The following FKBP5 variants were observed in gnomAD, a reference collection of about 807,000 sequenced individuals.
The protein encoded by FKBP5 is peptidyl-prolyl cis-trans isomerase FKBP5.
Under a neutral mutation model 50.5 loss-of-function variants are expected in FKBP5, and 23 were observed. The ratio of observed to expected loss-of-function variants is 0.46; its 90% CI spans 0.33 to 0.65. The LOEUF is 0.65. Ranked by LOEUF, FKBP5 falls within the 30% of genes least tolerant of loss-of-function variation. The pLI is 0.02. For missense variants in FKBP5, 411 were observed against 553.1 expected (o/e 0.74, Z 2.58); for synonymous variants, 176 against 190.6 (o/e 0.92, Z 0.63).
At chr6:35,662,780 G>T (rs1295368338) in intron 1 of FKBP5, among the ~76,000 whole-genome samples, 6 of 152,082 alleles carry the variant, frequency 3.9e-5, no homozygotes, top group Admixed American at 2.0e-4. Context: ...TTGTTTGAAA[G>T]CCAATAGTTT....
In FKBP5 at chr6:35,575,458, T is replaced by C. The variant is rs995269732; in HGVS notation, c.*377A>G. 2 of 176,180 alleles carry C rather than the reference T, an allele frequency of 1.1e-5. No individual in the cohort carries two copies. Among genetic ancestry groups the C allele is most frequent in the Non-Finnish European group, 2.4e-5 (2 of 82,086 alleles). 10.9% of individuals were successfully genotyped at this position (176,180 alleles called of 1,614,324 possible). On this transcript the variant is annotated 3_prime_UTR_variant, in exon 11 of 11. Transcript: ENST00000357266. ...TCATGAAGCATTTTTTTTTTAAAGGTTTCTGCAGTGCTATGAAAGTTCAAA... is the reference window on the plus strand; with the variant it reads ...TCATGAAGCATTTTTTTTTTAAAGGCTTCTGCAGTGCTATGAAAGTTCAAA...
intron 5 of FKBP5, among the ~76,000 whole-genome samples, chr6:35,611,633 T>C (rs1763497611): frequency 6.6e-6 from 1 of 152,186 alleles, no homozygotes; most frequent in Admixed American, 6.5e-5. Flanking sequence ...GAAGTATCAG[T>C]CATCATAATC....
intron 8 of FKBP5, chr6:35,585,524 CTA>C: frequency 1.0e-6 from 1 of 984,826 alleles, no homozygotes; most frequent in Non-Finnish European, 1.2e-6. Context: ...CCTTAAATGA[CTA>C]AATCATTTGA....
chr6:35,699,144 G>A (rs1766134635), intron 2 of FKBP5, among the ~76,000 whole-genome samples: 1 of 152,204 alleles, frequency 6.6e-6, no homozygotes, highest in South Asian at 2.1e-4. Flanking sequence ...CACACGGAAG[G>A]CAAGTAAGAC....
At chr6:35,609,292 C>T (rs1213432430) in intron 5 of FKBP5, among the ~76,000 whole-genome samples, 1 of 151,978 alleles carries the variant, frequency 6.6e-6, no homozygotes, top group African/African-American at 2.4e-5. Context: ...CTGCAAATTC[C>T]AAAAAGTTAA....
intron 1 of FKBP5, among the ~76,000 whole-genome samples, chr6:35,666,392 G>GT (rs1415901283): frequency 7.9e-4 from 11 of 13,970 alleles, no homozygotes; most frequent in Admixed American, 2.2e-3. Flanking sequence ...TACTATTATA[G>GT]TTAAAAAAAA....
At chr6:35,608,668 C>A (rs1273042468) in intron 5 of FKBP5, among the ~76,000 whole-genome samples, 3 of 152,140 alleles carry the variant, frequency 2.0e-5, no homozygotes, top group Non-Finnish European at 4.4e-5. Context: ...GCCTGGGCAA[C>A]AGAGCAAGAC....
intron 3 of FKBP5, among the ~76,000 whole-genome samples, chr6:35,621,574 T>C (rs1307064480): frequency 2.7e-5 from 4 of 146,614 alleles, no homozygotes; most frequent in East Asian, 4.0e-4. Flanking sequence ...GTAGAGATCA[T>C]GCCACTGCAC....
chr6:35,619,200 AG>A lies in FKBP5; in HGVS notation c.403del (p.Asp136IlefsTer33). ...AAATAAATCCTCTCCTTTGAAATCA[AG>A]GAGCTCAATCTAGAAAGAAAAAAGG... ...NATLFFEIEL[L>X]DFKGEDLFED... is the part of the protein sequence containing the mutation. On this transcript the variant is annotated frameshift_variant, in exon 5 of 11. Transcript: ENST00000357266. LOFTEE classifies it high-confidence loss of function. 6.2e-7 allele frequency: 1 copy of A among 1,611,738 alleles called. No individual in the cohort carries two copies. The highest frequency in any genetic ancestry group is 8.5e-7 in the Non-Finnish European group (1 of 1,177,942).
intron 5 of FKBP5, among the ~76,000 whole-genome samples, chr6:35,607,436 T>G (rs559777638): frequency 2.0e-5 from 3 of 151,696 alleles, no homozygotes; most frequent in Non-Finnish European, 4.4e-5. Context: ...ACTCCTGGGC[T>G]CAAGTGACCA....
In FKBP5 at chr6:35,661,186, G is replaced by A. The variant is rs1276643388; in HGVS notation, c.-19-18343C>T. 4.9e-5 allele frequency among the ~76,000 whole-genome samples: 4 copies of A among 82,140 alleles called. 2 individuals are homozygous for A. The highest frequency in any genetic ancestry group is 1.5e-4 in the African/African-American group (4 of 26,494). The allele number at this position is 82,140 out of a possible 152,430, so 53.9% of individuals were successfully genotyped here. ...TTTATTTATAGAGATATGGGGTCTC[G>A]CTACATTGAGCAGGCTGGTCTTGAA... On this transcript the variant is annotated intron_variant, in intron 1 of 10. Transcript: ENST00000357266.
intron 1 of FKBP5, among the ~76,000 whole-genome samples, chr6:35,654,514 A>G (rs2150996205): frequency 6.6e-6 from 1 of 152,370 alleles, no homozygotes; most frequent in South Asian, 2.1e-4. Context: ...TTTTAATACC[A>G]TACCATACCA....
At chr6:35,722,406 A>G (rs1766627631) in intron 1 of FKBP5, among the ~76,000 whole-genome samples, 1 of 152,214 alleles carries the variant, frequency 6.6e-6, no homozygotes, top group Non-Finnish European at 1.5e-5. Flanking sequence ...ATGTGGGCTA[A>G]TGGGGGATCG....
At chr6:35,677,168 G>A (rs1765547292) in intron 1 of FKBP5, among the ~76,000 whole-genome samples, 1 of 152,148 alleles carries the variant, frequency 6.6e-6, no homozygotes. Flanking sequence ...CCGCCTCCCG[G>A]GTTCACTCCA....
intron 2 of FKBP5, among the ~76,000 whole-genome samples, chr6:35,701,605 T>A (rs1766191514): frequency 6.6e-6 from 1 of 152,130 alleles, no homozygotes; most frequent in Non-Finnish European, 1.5e-5. Flanking sequence ...AGTGGTGCAA[T>A]CTCAGCTCAC....
chr6:35,714,414 T>C (rs1217263123), intron 2 of FKBP5, among the ~76,000 whole-genome samples: 1 of 129,780 alleles, frequency 7.7e-6, no homozygotes, highest in African/African-American at 3.0e-5. Flanking sequence ...ATGGAGACAT[T>C]GCACTTCAGC....
At chr6:35,688,406 G>A (rs1449127535) in intron 1 of FKBP5, among the ~76,000 whole-genome samples, 1 of 152,094 alleles carries the variant, frequency 6.6e-6, no homozygotes, top group Non-Finnish European at 1.5e-5. Context: ...CCGGGGGCCA[G>A]AGACCGGAGG....
At chr6:35,582,594 T>G (rs74550485) in intron 8 of FKBP5, 4 of 900,510 alleles carry the variant, frequency 4.4e-6, no homozygotes, top group Non-Finnish European at 5.3e-6. Context: ...CACCTTGATC[T>G]GGGACTTACA....
At chr6:35,710,178 C>T (rs1766388979) in intron 2 of FKBP5, among the ~76,000 whole-genome samples, 1 of 152,122 alleles carries the variant, frequency 6.6e-6, no homozygotes, top group African/African-American at 2.4e-5. Context: ...CTGCACCTAA[C>T]CAGAAGTGCA....
Sources: gnomAD v4.1 joint callset for allele counts (sites outside exome capture counted in the v4.1 genomes callset) on GRCh38, gnomAD v4.1.1 for gene constraint, MANE v1.5 for transcripts, NCBI Gene and HGNC (gene_info 2026-07-23, HGNC 2026-07-21) for gene names.